CRCP: variants seen among roughly 807,000 people sequenced by gnomAD.
The protein encoded by CRCP is CGRP receptor component, also known as DNA-directed RNA polymerase III subunit RPC9.
In CRCP, 18 loss-of-function variants were observed where a neutral mutation model predicts 18.5. That is an observed-to-expected ratio of 0.97 (90% CI 0.67 to 1.44). The LOEUF (loss-of-function observed/expected upper bound fraction) is 1.44, where lower values mean the gene tolerates loss of function less well. CRCP is among the 40% of genes most tolerant of loss of function. CRCP has a pLI of 0.00. For missense variants in CRCP, 130 were observed against 176.4 expected (o/e 0.74, Z 1.49); for synonymous variants, 53 against 62.9 (o/e 0.84, Z 0.75).
chr7:66,129,732 C>G (rs1383396734), intron 2 of CRCP, among the ~76,000 whole-genome samples: 1 of 152,130 alleles, frequency 6.6e-6, no homozygotes, highest in East Asian at 1.9e-4. Context: ...CCAGTTTGGA[C>G]TTTGCTAGGT....
rs201461496 is a variant in CRCP at position 66,145,514 on chromosome 7, G to C, written c.297+14G>C. ...GAGATCCAGCTGGTGAGTGAAGGGC[G>C]CCTGTGCTGGGGAGGCTGCTGTGGG... is the stretch of plus-strand genomic sequence containing the variant. On this transcript the variant is annotated intron_variant, in intron 5 of 5. Transcript: ENST00000395326. 6.2e-7 allele frequency: 1 copy of C among 1,613,704 alleles called. No individual in the cohort carries two copies. Among genetic ancestry groups the C allele is most frequent in the South Asian group, 1.1e-5 (1 of 91,076 alleles).
intron 4 of CRCP, 188 bp downstream of exon 4, chr7:66,134,562 T>A (rs969084118): frequency 7.0e-5 from 29 of 411,924 alleles, no homozygotes; most frequent in South Asian, 3.8e-4. Context: ...TTTTTTTTTT[T>A]ATAAATGAAG....
intron 3 of CRCP, among the ~76,000 whole-genome samples, chr7:66,131,755 T>G (rs879342649): frequency 1.3e-5 from 2 of 152,120 alleles, no homozygotes; most frequent in African/African-American, 2.4e-5. Flanking sequence ...AATCTTTTTA[T>G]TTTGAAATCA....
At chr7:66,124,630 G>A (rs970525336) in intron 1 of CRCP, among the ~76,000 whole-genome samples, 1 of 151,344 alleles carries the variant, frequency 6.6e-6, no homozygotes, top group Non-Finnish European at 1.5e-5. Flanking sequence ...TGATCCTCCT[G>A]TCTCAGCCCG....
intron 5 of CRCP, among the ~76,000 whole-genome samples, chr7:66,147,807 C>T (rs1788343242): frequency 6.6e-6 from 1 of 152,124 alleles, no homozygotes; most frequent in African/African-American, 2.4e-5. Flanking sequence ...GCCTGTGATC[C>T]CAGCACTTTG....
At chr7:66,126,113 T>C (rs1039577365) in intron 1 of CRCP, among the ~76,000 whole-genome samples, 1 of 149,608 alleles carries the variant, frequency 6.7e-6, no homozygotes, top group African/African-American at 2.4e-5. Flanking sequence ...AGCAGCACTT[T>C]TGTGAAATCG....
chr7:66,149,551 G>C (rs761094031), intron 5 of CRCP, among the ~76,000 whole-genome samples: 1 of 152,080 alleles, frequency 6.6e-6, no homozygotes, highest in Non-Finnish European at 1.5e-5. Context: ...GATGATCTCC[G>C]TTTGAGAAAA....
chr7:66,117,401 A>C (rs571419569), intron 1 of CRCP, among the ~76,000 whole-genome samples: 65 of 152,176 alleles, frequency 4.3e-4, no homozygotes, highest in Admixed American at 2.4e-3. Flanking sequence ...CATTTCACCC[A>C]TCTATGTGCT....
intron 1 of CRCP, among the ~76,000 whole-genome samples, chr7:66,117,262 C>T (rs1377968485): frequency 6.6e-5 from 10 of 152,018 alleles, no homozygotes; most frequent in East Asian, 5.8e-4. Flanking sequence ...TGTTCCTTTG[C>T]GTATTTCCTC....
intron 4 of CRCP, among the ~76,000 whole-genome samples, chr7:66,135,454 A>G (rs1333382099): frequency 1.3e-5 from 2 of 152,268 alleles, no homozygotes; most frequent in East Asian, 3.8e-4. Flanking sequence ...ATATTAATCA[A>G]GTACTAACCC....
In CRCP at chr7:66,154,222, C is replaced by T. The variant is rs1460895421; in HGVS notation, c.*1865C>T. The T allele has an allele frequency of 6.8e-6, 1 of 146,492 alleles. No homozygotes were observed. Among genetic ancestry groups the T allele is most frequent in the Non-Finnish European group, 1.5e-5 (1 of 67,154 alleles). 9.1% of individuals were successfully genotyped at this position (146,492 alleles called of 1,614,324 possible). On this transcript the variant is annotated 3_prime_UTR_variant, in exon 6 of 6. Coordinates refer to ENST00000395326, the MANE Select transcript of CRCP (RefSeq NM_014478.5). ...TTTGAGACAGTCTCGCTGTGTTGCC[C>T]AGGAGTGCAGTGGCACGATCTCTGC...
At chr7:66,130,609 C>T in intron 2 of CRCP, 135 bp from the exon 3 acceptor site, 7 of 504,718 alleles carry the variant, frequency 1.4e-5, no homozygotes, top group East Asian at 9.3e-5. Context: ...TGCTCAAATC[C>T]AAGAGTTGGA....
At chr7:66,115,952 A>G (rs1245286857) in intron 1 of CRCP, among the ~76,000 whole-genome samples, 2 of 151,926 alleles carry the variant, frequency 1.3e-5, no homozygotes, top group Admixed American at 6.6e-5. Flanking sequence ...CCACGCCATC[A>G]CTCACCGCTA....
intron 1 of CRCP, among the ~76,000 whole-genome samples, chr7:66,121,036 TA>T (rs1787423872): frequency 3.9e-4 from 2 of 5,132 alleles, no homozygotes; most frequent in African/African-American, 2.1e-3. Flanking sequence ...AACTAATACA[TA>T]ATAATAATAA....
chr7:66,150,746 G>A (rs1474007268), intron 5 of CRCP: 1 of 152,056 alleles, frequency 6.6e-6, no homozygotes, highest in Non-Finnish European at 1.5e-5. Context: ...CCCAGTTGCC[G>A]GATTTCAGAG....
intron 5 of CRCP, among the ~76,000 whole-genome samples, chr7:66,147,484 G>A (rs1432138225): frequency 1.3e-5 from 2 of 152,192 alleles, no homozygotes; most frequent in African/African-American, 2.4e-5. Context: ...AGCCCAGAGG[G>A]CTGGTGAGTG....
chr7:66,145,418 T>C (rs1421642952), intron 4 of CRCP, 25 bp from the exon 5 acceptor site: 2 of 1,613,010 alleles, frequency 1.2e-6, no homozygotes, highest in Middle Eastern at 1.7e-4. Context: ...ATGCGAGTTG[T>C]CAACGCTGTA....
In CRCP at chr7:66,153,381, G is replaced by C. The variant is rs891944466; in HGVS notation, c.*1024G>C. 6.6e-6 allele frequency: 1 copy of C among 152,204 alleles called. No individual in the cohort carries two copies. The highest frequency in any genetic ancestry group is 1.5e-5 in the Non-Finnish European group (1 of 68,112). 9.4% of individuals were successfully genotyped at this position (152,204 alleles called of 1,614,324 possible). A position where few individuals can be genotyped will look rare whatever the true frequency, so the allele number is the denominator to read the frequency against. ...TTGAACCCGGGAGGCAGAGGTTGAGGTGAGCCAAGATTGCACCATTGCACT... is the reference window on the plus strand; with the variant it reads ...TTGAACCCGGGAGGCAGAGGTTGAGCTGAGCCAAGATTGCACCATTGCACT... On this transcript the variant is annotated 3_prime_UTR_variant, in exon 6 of 6. Coordinates refer to ENST00000395326, the MANE Select transcript of CRCP (RefSeq NM_014478.5).
At chr7:66,114,846 C>G (rs1787203292), upstream of CRCP, 2 of 1,596,514 alleles carry the variant, frequency 1.3e-6, no homozygotes, top group Middle Eastern at 1.7e-4. Flanking sequence ...GCGGCGATCC[C>G]GGCGAGCACC....
Sources: allele counts gnomAD v4.1 joint callset (sites outside exome capture counted in the v4.1 genomes callset), GRCh38; gene constraint gnomAD v4.1.1; transcripts MANE v1.5; gene names NCBI Gene and HGNC (gene_info 2026-07-23, HGNC 2026-07-21).